SLA: variants seen among roughly 807,000 people sequenced by gnomAD.
SLA encodes Src like adaptor.
In SLA, 16 loss-of-function variants were observed where a neutral mutation model predicts 30.3. That is an observed-to-expected ratio of 0.53 (90% confidence interval 0.36 to 0.80). The LOEUF is 0.80. Among genes scored for constraint, SLA ranks in the 30% least tolerant of loss-of-function variants. The probability of loss-of-function intolerance (pLI) is 0.01; values close to 1 mark genes in which losing one functional copy is unlikely to be tolerated. For synonymous variants in SLA, 143 were observed against 137.8 expected, an observed-to-expected ratio of 1.04 and a Z score of -0.26; for missense variants, 310 against 345.2, an observed-to-expected ratio of 0.90 and a Z score of 0.81.
intron 5 of SLA, 196 bp downstream of exon 5, chr8:133,049,706 G>T (rs1840060302): frequency 3.5e-6 from 2 of 576,204 alleles, no homozygotes; most frequent in East Asian, 2.9e-5. Flanking sequence ...TGAGGGAGAA[G>T]TTGAGTCCCA....
At chr8:133,049,689 A>G (rs1840058075) in intron 5 of SLA, 3 of 558,336 alleles carry the variant, frequency 5.4e-6, no homozygotes, top group Middle Eastern at 4.6e-4. Context: ...AACTTCCTTC[A>G]TTTTACTGAG....
intron 2 of SLA, among the ~76,000 whole-genome samples, chr8:133,062,353 C>T (rs1842484870): frequency 6.6e-6 from 1 of 152,240 alleles, no homozygotes; most frequent in African/African-American, 2.4e-5. Flanking sequence ...TGTCTCCATT[C>T]CTGAGCCTGG....
intron 3 of SLA, among the ~76,000 whole-genome samples, chr8:133,056,292 C>A (rs1175362305): frequency 6.6e-6 from 1 of 152,192 alleles, no homozygotes; most frequent in African/African-American, 2.4e-5. Flanking sequence ...TGATCAAGTT[C>A]TGCCTAAGAC....
intron 2 of SLA, among the ~76,000 whole-genome samples, chr8:133,071,657 G>A (rs1350076605): frequency 3.3e-5 from 5 of 152,018 alleles, no homozygotes; most frequent in Non-Finnish European, 7.4e-5. Context: ...GAGGAGTGGG[G>A]GGAGGAGGCG....
intron 1 of SLA, among the ~76,000 whole-genome samples, chr8:133,083,358 T>A (rs1846035279): frequency 6.6e-6 from 1 of 152,244 alleles, no homozygotes; most frequent in Non-Finnish European, 1.5e-5. Flanking sequence ...GAAACATGTA[T>A]GCACTTTACA....
At chr8:133,039,810 C>T (rs537765807) in intron 8 of SLA, among the ~76,000 whole-genome samples, 188 bp downstream of exon 8, 2 of 152,150 alleles carry the variant, frequency 1.3e-5, no homozygotes, top group Admixed American at 6.5e-5. Context: ...GAAGCTGCCC[C>T]TGCACCCAGG....
At chr8:133,100,523 T>C (rs1849077340) in intron 1 of SLA, among the ~76,000 whole-genome samples, 1 of 152,248 alleles carries the variant, frequency 6.6e-6, no homozygotes, top group African/African-American at 2.4e-5. Context: ...GACTATGTGC[T>C]GGGCCCTAAC....
chr8:133,050,047 G>T, intron 4 of SLA, 59 bp from the exon 5 acceptor site: 1 of 1,071,792 alleles, frequency 9.3e-7, no homozygotes, highest in Non-Finnish European at 1.5e-6. Context: ...ACCAAAGGAT[G>T]AATGAACAGA....
At chr8:133,076,343 C>G (rs1172833316) in intron 1 of SLA, among the ~76,000 whole-genome samples, 1 of 152,270 alleles carries the variant, frequency 6.6e-6, no homozygotes, top group African/African-American at 2.4e-5. Context: ...TTGGAAACCT[C>G]ACTTGGGGTA....
intron 1 of SLA, among the ~76,000 whole-genome samples, chr8:133,089,601 C>G (rs561188578): frequency 6.6e-6 from 1 of 152,314 alleles, no homozygotes; most frequent in Admixed American, 6.5e-5. Context: ...TCTCACTACA[C>G]TTCTATGGAA....
At chr8:133,102,246 A>G (rs530049083) in intron 1 of SLA, among the ~76,000 whole-genome samples, 68 of 152,358 alleles carry the variant, frequency 4.5e-4, no homozygotes, top group African/African-American at 1.6e-3. Context: ...AAATTGTAGT[A>G]AACACAAATG....
chr8:133,055,643 G>A (rs1231044461), intron 3 of SLA, among the ~76,000 whole-genome samples: 2 of 152,200 alleles, frequency 1.3e-5, no homozygotes, highest in African/African-American at 4.8e-5. Context: ...TTCAGGGTCA[G>A]TCTCAACTCT....
At chr8:133,067,293 T>C (rs1247916891) in intron 2 of SLA, among the ~76,000 whole-genome samples, 1 of 152,066 alleles carries the variant, frequency 6.6e-6, no homozygotes, top group East Asian at 1.9e-4. Context: ...TTCTACCTGC[T>C]CCCACCCCAC....
In SLA at chr8:133,060,183, G is replaced by T. The variant is rs759925505; in HGVS notation, c.-23C>A. 2 of 1,612,618 alleles carry T rather than the reference G, an allele frequency of 1.2e-6. No homozygotes were observed. Among genetic ancestry groups the T allele is most frequent in the Non-Finnish European group, 1.7e-6 (2 of 1,179,406 alleles). ...CATTTCTTTCTTTTTCCCTGGGGCCGCTGGTGATGCCCAGAGCCTGTGGTA... is the reference window on the plus strand; with the variant it reads ...CATTTCTTTCTTTTTCCCTGGGGCCTCTGGTGATGCCCAGAGCCTGTGGTA... On this transcript the variant is annotated 5_prime_UTR_variant, in exon 3 of 9. Transcript: ENST00000338087.
intron 6 of SLA, among the ~76,000 whole-genome samples, chr8:133,046,194 C>T (rs990048937): frequency 7.2e-5 from 11 of 152,134 alleles, no homozygotes; most frequent in African/African-American, 2.2e-4. Context: ...TAGAAAACAC[C>T]CAAGAGACAG....
At chr8:133,096,184 A>G (rs1848382369) in intron 1 of SLA, 1 of 1,614,046 alleles carries the variant, frequency 6.2e-7, no homozygotes, top group South Asian at 1.1e-5. Context: ...AGGACAACTG[A>G]TTATTGTTGC....
chr8:133,044,860 C>T, intron 7 of SLA, 124 bp downstream of exon 7: 4 of 895,506 alleles, frequency 4.5e-6, no homozygotes, highest in Non-Finnish European at 7.2e-6. Flanking sequence ...AACGAGAGAG[C>T]ATATCATGAA....
chr8:133,048,194 C>G (rs1839814153), intron 5 of SLA, among the ~76,000 whole-genome samples: 1 of 152,126 alleles, frequency 6.6e-6, no homozygotes, highest in Admixed American at 6.5e-5. Context: ...ATAACCACCT[C>G]ACTTCACTGC....
intron 3 of SLA, among the ~76,000 whole-genome samples, chr8:133,054,118 A>G (rs1453097159): frequency 2.0e-5 from 3 of 152,152 alleles, no homozygotes; most frequent in South Asian, 2.1e-4. Context: ...AATGCAATGT[A>G]GGAAATTTAA....
Sources: allele counts gnomAD v4.1 joint callset (sites outside exome capture counted in the v4.1 genomes callset), GRCh38; gene constraint gnomAD v4.1.1; transcripts MANE v1.5; gene names NCBI Gene and HGNC (gene_info 2026-07-23, HGNC 2026-07-21).